ADGRB3: variants seen among roughly 807,000 people sequenced by gnomAD.
The protein encoded by ADGRB3 is adhesion G protein-coupled receptor B3.
A neutral mutation model predicts 193.4 loss-of-function variants in ADGRB3; 37 were observed. That is an observed-to-expected ratio of 0.19 (90% CI 0.15 to 0.25). ADGRB3 has a LOEUF of 0.25. ADGRB3 is among the 10% of genes least tolerant of loss of function. ADGRB3 has a pLI of 1.00. For missense variants in ADGRB3, 1,637 were observed against 1,852.9 expected (o/e 0.88, Z 2.14); for synonymous variants, 690 against 644.2 (o/e 1.07, Z -1.08).
chr6:69,347,965 T>TA (rs1705509952), intron 26 of ADGRB3, among the ~76,000 whole-genome samples: 1 of 151,930 alleles, frequency 6.6e-6, no homozygotes, highest in Admixed American at 6.6e-5. Flanking sequence ...TTTCCAAGAA[T>TA]TCACCAACCT....
intron 6 of ADGRB3, among the ~76,000 whole-genome samples, chr6:68,947,859 A>G (rs994066428): frequency 2.0e-5 from 3 of 152,134 alleles, no homozygotes; most frequent in African/African-American, 7.2e-5. Flanking sequence ...CCTTCAACCA[A>G]AGTTCATCAG....
chr6:68,772,957 T>C (rs6455300), intron 3 of ADGRB3, among the ~76,000 whole-genome samples: 1 of 57,162 alleles, frequency 1.7e-5, no homozygotes, highest in Admixed American at 2.0e-4. Flanking sequence ...AAATAAAAAA[T>C]AAAAATAAAA....
chr6:69,115,345 A>G (rs1773499071), intron 17 of ADGRB3, among the ~76,000 whole-genome samples: 1 of 152,136 alleles, frequency 6.6e-6, no homozygotes, highest in Non-Finnish European at 1.5e-5. Context: ...TAAAACAAGA[A>G]CAGAAAAACA....
In ADGRB3 at chr6:68,755,683, G is replaced by T. The variant is rs549660792; in HGVS notation, c.757+116251G>T. On this transcript the variant is annotated intron_variant, in intron 3 of 31. Coordinates refer to ENST00000370598, the MANE Select transcript of ADGRB3 (RefSeq NM_001704.3). Reference sequence around the variant, plus strand: ...TAACATTCTGTATTTGAAGGAAGCAGGGAAGAAACCACAAAGTGGGGAAGA... The same window carrying T: ...TAACATTCTGTATTTGAAGGAAGCATGGAAGAAACCACAAAGTGGGGAAGA... 4.1e-4 allele frequency among the ~76,000 whole-genome samples: 63 copies of T among 152,236 alleles called. 1 individual carries two copies. Among genetic ancestry groups the T allele is most frequent in the Admixed American group, 3.3e-3 (51 of 15,284 alleles).
At position 69,171,070 on chromosome 6, in the gene ADGRB3, A is replaced by C. The variant is rs562866597; in HGVS notation, c.2481-62220A>C. ...CTAAAAAGATATTTTATTTAACCCA[A>C]TATATCTAAAATACTAATATTTTCA... On this transcript the variant is annotated intron_variant, in intron 17 of 31. Transcript: ENST00000370598. Among the ~76,000 whole-genome samples the C allele has an allele frequency of 5.9e-4, 90 of 152,322 alleles. No individual in the cohort carries two copies. In the South Asian group the frequency reaches 8.1e-3, roughly 14 times the overall value.
intron 3 of ADGRB3, among the ~76,000 whole-genome samples, chr6:68,855,202 C>A (rs1764944382): frequency 6.6e-6 from 1 of 152,148 alleles, no homozygotes; most frequent in African/African-American, 2.4e-5. Flanking sequence ...CTCCAAATAT[C>A]TTTTAATATC....
intron 24 of ADGRB3, among the ~76,000 whole-genome samples, chr6:69,336,623 T>G (rs1341288033): frequency 2.6e-5 from 4 of 152,088 alleles, no homozygotes; most frequent in African/African-American, 9.7e-5. Context: ...TTCTATTTAA[T>G]GTGACTTTGC....
chr6:68,639,437 G>C lies in ADGRB3; in HGVS notation c.757+5G>C. ...CCAAGCGACCACCCAAAGAAGGTAA[G>C]TGCCAAAGAGAGGGGAAGGTGAGCG... On this transcript the variant is annotated splice_donor_5th_base_variant and intron_variant, in intron 3 of 31. Transcript: ENST00000370598. 1 of 1,593,720 alleles carries C rather than the reference G, an allele frequency of 6.3e-7. No individual in the cohort carries two copies. Among genetic ancestry groups the C allele is most frequent in the East Asian group, 2.2e-5 (1 of 44,662 alleles).
At chr6:69,250,305 G>C (rs925106360) in intron 20 of ADGRB3, among the ~76,000 whole-genome samples, 2 of 131,730 alleles carry the variant, frequency 1.5e-5, no homozygotes, top group African/African-American at 5.9e-5. Context: ...AATTAGTTCT[G>C]CTTTTCTTAT....
chr6:68,790,904 G>A (rs1582205044), intron 3 of ADGRB3, among the ~76,000 whole-genome samples: 4 of 152,090 alleles, frequency 2.6e-5, no homozygotes, highest in South Asian at 2.1e-4. Flanking sequence ...AAGGAACGCA[G>A]CTCCTCACCA....
At chr6:68,702,284 C>A (rs1191299207) in intron 3 of ADGRB3, among the ~76,000 whole-genome samples, 2 of 152,024 alleles carry the variant, frequency 1.3e-5, no homozygotes, top group African/African-American at 2.4e-5. Context: ...ATAAGTCACT[C>A]ACTTTTGCAA....
chr6:68,791,698 T>C (rs1270821866), intron 3 of ADGRB3, among the ~76,000 whole-genome samples: 1 of 152,214 alleles, frequency 6.6e-6, no homozygotes, highest in African/African-American at 2.4e-5. Context: ...TAAAAAGATC[T>C]TCTTGAAGAT....
chr6:69,283,673 A>G (rs1422309650), intron 20 of ADGRB3, among the ~76,000 whole-genome samples: 2 of 152,076 alleles, frequency 1.3e-5, no homozygotes, highest in Non-Finnish European at 2.9e-5. Flanking sequence ...AGCAGCTATG[A>G]TTACAAAGAG....
rs1019273758 is a variant in ADGRB3 at position 69,161,317 on chromosome 6, T to G, written c.2481-71973T>G. On this transcript the variant is annotated intron_variant, in intron 17 of 31. Transcript: ENST00000370598. ...CTGCAACTGCTGAAATTGGTTGGAATGGAGAATGCTTAGGGATGAATAACA... is the reference window on the plus strand; with the variant it reads ...CTGCAACTGCTGAAATTGGTTGGAAGGGAGAATGCTTAGGGATGAATAACA... Among the ~76,000 whole-genome samples, 19 of 152,194 alleles carry G rather than the reference T, an allele frequency of 1.2e-4. 1 individual carries two copies. Among genetic ancestry groups the G allele is most frequent in the Admixed American group, 1.2e-3 (19 of 15,276 alleles).
At chr6:68,806,974 T>C (rs925221128) in intron 3 of ADGRB3, among the ~76,000 whole-genome samples, 3 of 152,092 alleles carry the variant, frequency 2.0e-5, no homozygotes, top group Admixed American at 1.3e-4. Context: ...CTTTGATACG[T>C]ATGGGCTGGA....
chr6:68,716,250 A>G lies in ADGRB3; in HGVS notation c.757+76818A>G, dbSNP rs140446919. On this transcript the variant is annotated intron_variant, in intron 3 of 31. Coordinates refer to ENST00000370598, the MANE Select transcript of ADGRB3 (RefSeq NM_001704.3). ...GATCCATTCAGCTGCTTTAATTAAAATATAGGGTAGGTGTTCATGTGTTCA... is the reference window on the plus strand; with the variant it reads ...GATCCATTCAGCTGCTTTAATTAAAGTATAGGGTAGGTGTTCATGTGTTCA... 1.6e-4 allele frequency among the ~76,000 whole-genome samples: 24 copies of G among 151,852 alleles called. No homozygotes were observed. The East Asian group carries it at 3.9e-3, about 25-fold the overall frequency.
intron 17 of ADGRB3, among the ~76,000 whole-genome samples, chr6:69,079,848 G>A (rs372014882): frequency 2.0e-4 from 30 of 152,106 alleles, no homozygotes; most frequent in African/African-American, 4.8e-4. Flanking sequence ...GAAGGACTAC[G>A]TTTGTTTTCA....
chr6:68,742,391 T>G, intron 3 of ADGRB3, among the ~76,000 whole-genome samples: 1 of 151,762 alleles, frequency 6.6e-6, no homozygotes, highest in East Asian at 1.9e-4. Flanking sequence ...TTTCTTTCTC[T>G]GGGTCTTGAC....
At chr6:69,145,604 T>A (rs188351016) in intron 17 of ADGRB3, among the ~76,000 whole-genome samples, 15 of 152,282 alleles carry the variant, frequency 9.9e-5, no homozygotes, top group Admixed American at 6.5e-4. Flanking sequence ...TATTGTCCCA[T>A]GTCCAGGAAG....
Sources: gnomAD v4.1 joint callset for allele counts (sites outside exome capture counted in the v4.1 genomes callset) on GRCh38, gnomAD v4.1.1 for gene constraint, MANE v1.5 for transcripts, NCBI Gene and HGNC (gene_info 2026-07-23, HGNC 2026-07-21) for gene names.